Variants in PPP2R1B observed in about 807,000 individuals in gnomAD.
PPP2R1B encodes protein phosphatase 2 scaffold subunit Abeta, also known as serine/threonine-protein phosphatase 2A 65 kDa regulatory subunit A beta isoform.
In PPP2R1B, 58 loss-of-function variants were observed where a neutral mutation model predicts 72.7. The observed-to-expected ratio is 0.80, with a 90% CI of 0.65 to 0.99. The LOEUF is 0.99. Among genes scored for constraint, PPP2R1B ranks in the 50% least tolerant of loss-of-function variants. PPP2R1B has a pLI of 0.00. For synonymous variants in PPP2R1B, 256 were observed against 264.6 expected (o/e 0.97, Z 0.32); for missense variants, 695 against 733.6 (o/e 0.95, Z 0.61).
At chr11:111,737,030 G>C (rs1944358859), downstream of PPP2R1B, among the ~76,000 whole-genome samples, 1 of 152,186 alleles carries the variant, frequency 6.6e-6, no homozygotes, top group East Asian at 1.9e-4. Flanking sequence ...AGAGAAACTT[G>C]CAACTATTTT....
chr11:111,761,216 T>C, intron 3 of PPP2R1B, 165 bp from the exon 4 acceptor site: 1 of 733,994 alleles, frequency 1.4e-6, no homozygotes, highest in Middle Eastern at 2.3e-4. Context: ...TAACATATGG[T>C]GCGGCCAACC....
chr11:111,716,724 G>A, the PPP2R1B span, among the ~76,000 whole-genome samples: 1 of 152,156 alleles, frequency 6.6e-6, no homozygotes, highest in Non-Finnish European at 1.5e-5. Flanking sequence ...GAAAATAAAT[G>A]TATAAACTGA....
downstream of PPP2R1B, among the ~76,000 whole-genome samples, chr11:111,733,498 C>T (rs1003914248): frequency 3.3e-5 from 5 of 152,272 alleles, no homozygotes; most frequent in South Asian, 2.1e-4. Context: ...CTCCTCAGGT[C>T]GGCTGGGACA....
chr11:111,708,769 G>C, the PPP2R1B span, among the ~76,000 whole-genome samples: 1 of 151,744 alleles, frequency 6.6e-6, no homozygotes, highest in African/African-American at 2.4e-5. Context: ...TTATTTTTTT[G>C]TGGAGATAGG....
intron 15 of PPP2R1B, chr11:111,727,410 C>A (rs1944008912): frequency 3.5e-6 from 1 of 282,666 alleles, no homozygotes; most frequent in Non-Finnish European, 6.8e-6. Context: ...ATGCTGGAGT[C>A]AGTGGTTGGG....
At position 111,743,534 on chromosome 11, in the gene PPP2R1B, C is replaced by G; in HGVS notation, c.1400-4G>C. The G allele has an allele frequency of 6.2e-7, 1 of 1,600,318 alleles. No homozygotes were observed. The highest frequency in any genetic ancestry group is 8.5e-7 in the Non-Finnish European group (1 of 1,176,528). Reference sequence around the variant, plus strand: ...GCAGCTTCTCGGATGGCGTATACTGCAGAAGAGGTCAAAAACATGTTCTCA... The same window carrying G: ...GCAGCTTCTCGGATGGCGTATACTGGAGAAGAGGTCAAAAACATGTTCTCA... On this transcript the variant is annotated splice_region_variant and splice_polypyrimidine_tract_variant and intron_variant, in intron 11 of 14. Coordinates refer to ENST00000527614, the MANE Select transcript of PPP2R1B (RefSeq NM_002716.5).
downstream of PPP2R1B, chr11:111,737,585 G>A: frequency 6.2e-7 from 1 of 1,614,174 alleles, no homozygotes; most frequent in South Asian, 1.1e-5. Flanking sequence ...GACACAGACA[G>A]TGGCGCTGTA....
chr11:111,701,625 A>C, the PPP2R1B span: 5 of 1,586,126 alleles, frequency 3.2e-6, no homozygotes, highest in Admixed American at 3.4e-5. This position sits in a 1 kb window ranked among gnomAD's most constrained non-coding sequence, Gnocchi z 4.2. Flanking sequence ...TTAGTGCTCC[A>C]AGTGAAATGC....
chr11:111,758,323 G>A (rs1434496153), intron 5 of PPP2R1B, among the ~76,000 whole-genome samples: 1 of 152,204 alleles, frequency 6.6e-6, no homozygotes, highest in Non-Finnish European at 1.5e-5. Flanking sequence ...CGGGCACGGT[G>A]GCTCACGCCT....
chr11:111,743,504 T>C lies in PPP2R1B; in HGVS notation c.1426A>G (p.Asn476Asp). The C allele has an allele frequency of 6.2e-7, 1 of 1,613,870 alleles. No homozygotes were observed. Among genetic ancestry groups the C allele is most frequent in the Non-Finnish European group, 8.5e-7 (1 of 1,179,948 alleles). The change falls in exon 12 of 15, where the codon AAC becomes GAC. Residue 476 changes from asparagine to aspartate, a missense_variant. Physicochemically the swap from Asn to Asp is conservative, Grantham distance 23. Transcript: ENST00000527614. ...HVYAIREAAT[N>D]NLMKLVQKFG... ...TTCTGAACTAGTTTCATGAGGTTGT[T>C]GGTGGCAGCTTCTCGGATGGCGTAT...
At chr11:111,703,073 C>T in the PPP2R1B span, 4 of 723,478 alleles carry the variant, frequency 5.5e-6, no homozygotes, top group Non-Finnish European at 9.1e-6. Context: ...TTCATTTATT[C>T]ATTTGACCTT....
intron 15 of PPP2R1B, chr11:111,728,839 G>T (rs973451195): frequency 6.6e-6 from 1 of 151,704 alleles, no homozygotes. Context: ...CAGGAGAATG[G>T]CGTGAACCCG....
At position 111,743,549 on chromosome 11, in the gene PPP2R1B, A is replaced by C; in HGVS notation, c.1400-19T>G. The C allele has an allele frequency of 6.3e-7, 1 of 1,590,816 alleles. No individual in the cohort carries two copies. The highest frequency in any genetic ancestry group is 1.4e-5 in the African/African-American group (1 of 73,296). On this transcript the variant is annotated intron_variant, in intron 11 of 14. Transcript: ENST00000527614. ...GCGTATACTGCAGAAGAGGTCAAAAACATGTTCTCATATCGCTTATTGTTT... is the reference window on the plus strand; with the variant it reads ...GCGTATACTGCAGAAGAGGTCAAAACCATGTTCTCATATCGCTTATTGTTT...
chr11:111,741,216 G>A lies in PPP2R1B; in HGVS notation c.*380C>T, dbSNP rs1214547525. 3 of 1,024,790 alleles carry A rather than the reference G, an allele frequency of 2.9e-6. No homozygotes were observed. Among genetic ancestry groups the A allele is most frequent in the Middle Eastern group, 4.8e-4 (1 of 2,098 alleles). 63.5% of individuals were successfully genotyped at this position (1,024,790 alleles called of 1,614,324 possible). ...GAGAGACACAGAGATATATGTAAAC[G>A]TCAAGAGAATCACTCCACTCCACGT... On this transcript the variant is annotated 3_prime_UTR_variant, in exon 15 of 15. Transcript: ENST00000527614.
chr11:111,706,995 G>T, the PPP2R1B span, among the ~76,000 whole-genome samples: 6 of 150,916 alleles, frequency 4.0e-5, no homozygotes, highest in Admixed American at 1.3e-4. Context: ...TGATACAGAT[G>T]TAAGTAAAAT....
chr11:111,742,085 T>A lies in PPP2R1B; in HGVS notation c.1757A>T (p.Asp586Val), dbSNP rs1565436337. The A allele has an allele frequency of 6.2e-7, 1 of 1,613,838 alleles. No homozygotes were observed. Among genetic ancestry groups the A allele is most frequent in the East Asian group, 2.2e-5 (1 of 44,884 alleles). The change falls in exon 14 of 15, where the codon GAT (aspartate) becomes GTT (valine). Residue 586 changes from aspartate to valine, a missense_variant. Transcript: ENST00000527614. The part of the protein sequence containing the change: ...LQKLGQDEDM[D>V]VKYFAQEAIS... ...AGCTTCCTGTGCAAAGTATTTGACA[T>A]CCATGTCTTCATCTTGACCTAACTT...
Position 111,740,814 on chromosome 11 carries a change from C to T in PPP2R1B, c.*782G>A. On this transcript the variant is annotated 3_prime_UTR_variant, in exon 15 of 15. Coordinates refer to ENST00000527614, the MANE Select transcript of PPP2R1B (RefSeq NM_002716.5). ...TTCGAAATACAGAACTGCAATCTCA[C>T]AATGAAACAAACATACTGCTTATTA... is the stretch of plus-strand genomic sequence containing the variant. 1 of 985,322 alleles carries T rather than the reference C, an allele frequency of 1.0e-6. No individual in the cohort carries two copies. The highest frequency in any genetic ancestry group is 1.7e-5 in the African/African-American group (1 of 57,346). The allele number at this position is 985,322 out of a possible 1,614,324, so 61.0% of individuals were successfully genotyped here. A position where few individuals can be genotyped will look rare whatever the true frequency, so the allele number is the denominator to read the frequency against.
At chr11:111,765,105 C>A (rs1321120606) in intron 2 of PPP2R1B, among the ~76,000 whole-genome samples, 189 bp downstream of exon 2, 1 of 152,226 alleles carries the variant, frequency 6.6e-6, no homozygotes, top group Non-Finnish European at 1.5e-5. Flanking sequence ...GTATCAATTA[C>A]TTTCAATAGC....
intron 12 of PPP2R1B, among the ~76,000 whole-genome samples, chr11:111,742,972 T>C (rs1944579619): frequency 6.6e-6 from 1 of 151,566 alleles, no homozygotes; most frequent in South Asian, 2.1e-4. Flanking sequence ...CTCTGCACCC[T>C]CTGCCCCCTG....
Sources: gnomAD v4.1 joint callset for allele counts (sites outside exome capture counted in the v4.1 genomes callset) on GRCh38, gnomAD v4.1.1 for gene constraint, Gnocchi (gnomAD v3.1) non-coding constraint, MANE v1.5 for transcripts, NCBI Gene and HGNC (gene_info 2026-07-23, HGNC 2026-07-21) for gene names.